The following CBFA2T2 variants were observed in gnomAD, a reference collection of about 807,000 sequenced individuals.
CBFA2T2 encodes protein CBFA2T2.
A neutral mutation model predicts 62.2 loss-of-function variants in CBFA2T2; 11 were observed. The ratio of observed to expected loss-of-function variants is 0.18; its 90% CI spans 0.11 to 0.29. The LOEUF (loss-of-function observed/expected upper bound fraction) is 0.29. Among genes scored for constraint, CBFA2T2 ranks in the 10% least tolerant of loss-of-function variants. The pLI is 1.00. For missense variants in CBFA2T2, 592 were observed against 774.1 expected (o/e 0.76, Z 2.79); for synonymous variants, 295 against 287.5 (o/e 1.03, Z -0.27).
intron 6 of CBFA2T2, among the ~76,000 whole-genome samples, chr20:33,625,219 G>A (rs927858153): frequency 3.3e-5 from 5 of 151,992 alleles, no homozygotes; most frequent in African/African-American, 9.7e-5. Flanking sequence ...TAGAAGTACA[G>A]CTAGGTGTGG....
chr20:33,540,952 G>A (rs1388909021), intron 1 of CBFA2T2, among the ~76,000 whole-genome samples: 1 of 152,174 alleles, frequency 6.6e-6, no homozygotes, highest in Non-Finnish European at 1.5e-5. Flanking sequence ...AGTTGTGCAA[G>A]TAGAAGGTAC....
chr20:33,640,859 C>T (rs1358452266), intron 10 of CBFA2T2, among the ~76,000 whole-genome samples: 1 of 152,030 alleles, frequency 6.6e-6, no homozygotes, highest in African/African-American at 2.4e-5. Context: ...CCAGCATTGA[C>T]GGAGTGGGCT....
At chr20:33,622,942 AT>A (rs1378983481) in intron 4 of CBFA2T2, among the ~76,000 whole-genome samples, 172 bp from the exon 5 acceptor site, 7 of 152,230 alleles carry the variant, frequency 4.6e-5, no homozygotes, top group African/African-American at 1.7e-4. Flanking sequence ...TGAACCAGTA[AT>A]TCAAGTGCAG....
chr20:33,496,039 A>G (rs1324990892), intron 1 of CBFA2T2, among the ~76,000 whole-genome samples: 17 of 152,332 alleles, frequency 1.1e-4, no homozygotes, highest in Admixed American at 1.1e-3. Flanking sequence ...ACAGGTAATG[A>G]TAAAGTGTTT....
chr20:33,617,456 G>A (rs182969384), intron 3 of CBFA2T2, among the ~76,000 whole-genome samples: 11 of 152,284 alleles, frequency 7.2e-5, no homozygotes, highest in Admixed American at 2.6e-4. Flanking sequence ...ATACAGGACT[G>A]CCCTATATCC....
chr20:33,519,194 G>T (rs2011662888), intron 1 of CBFA2T2, among the ~76,000 whole-genome samples: 1 of 152,292 alleles, frequency 6.6e-6, no homozygotes, highest in South Asian at 2.1e-4. Flanking sequence ...TTGTGGCTGG[G>T]CACCATGGTT....
chr20:33,557,255 C>T (rs564280994), intron 1 of CBFA2T2, among the ~76,000 whole-genome samples: 79 of 151,928 alleles, frequency 5.2e-4, no homozygotes, highest in Middle Eastern at 3.4e-3. Flanking sequence ...CCTTGTGATC[C>T]GCCTGCCTTG....
rs1367339933 is a variant in CBFA2T2, at chr20:33,648,610, A to G, written c.*3964A>G. On this transcript the variant is annotated 3_prime_UTR_variant, in exon 11 of 11. Coordinates refer to ENST00000342704, the MANE Select transcript of CBFA2T2 (RefSeq NM_001032999.3). Reference sequence around the variant, plus strand: ...GGTGCTCTAGCAGATCCGCTCAGGCACGGTTGGGTGACCGTGGGGTCACCG... The same window carrying G: ...GGTGCTCTAGCAGATCCGCTCAGGCGCGGTTGGGTGACCGTGGGGTCACCG... 1 of 152,218 alleles carries G rather than the reference A, an allele frequency of 6.6e-6. No individual in the cohort carries two copies. The highest frequency in any genetic ancestry group is 1.5e-5 in the Non-Finnish European group (1 of 68,078). The allele number at this position is 152,218 out of a possible 1,614,324, so 9.4% of individuals were successfully genotyped here. A position where few individuals can be genotyped will look rare whatever the true frequency, so the allele number is the denominator to read the frequency against.
At chr20:33,533,556 T>G (rs2012118251) in intron 1 of CBFA2T2, among the ~76,000 whole-genome samples, 1 of 152,196 alleles carries the variant, frequency 6.6e-6, no homozygotes, top group African/African-American at 2.4e-5. Flanking sequence ...TTTATTTGCC[T>G]GTGGATAGAT....
At chr20:33,636,587 A>G (rs1338992842) in intron 8 of CBFA2T2, 53 bp from the exon 9 acceptor site, 2 of 1,320,310 alleles carry the variant, frequency 1.5e-6, no homozygotes, top group Non-Finnish European at 2.2e-6. Flanking sequence ...CAAAAATAAA[A>G]CTGCTGATCA....
At chr20:33,530,038 C>T (rs1244814737) in intron 1 of CBFA2T2, among the ~76,000 whole-genome samples, 2 of 151,936 alleles carry the variant, frequency 1.3e-5, no homozygotes, top group East Asian at 1.9e-4. Flanking sequence ...CCACCTGCCT[C>T]GGCCTTCCAA....
chr20:33,636,649 G>T lies in CBFA2T2; in HGVS notation c.1238G>T (p.Arg413Ile). 1.2e-6 allele frequency: 2 copies of T among 1,613,384 alleles called. No homozygotes were observed. The highest frequency in any genetic ancestry group is 1.1e-5 in the South Asian group (1 of 91,016). Residue 413 changes from arginine (R) to isoleucine (I), a missense_variant, in exon 9 of 11, where the codon AGA becomes ATA. By Grantham distance (97) the Arg-to-Ile change is moderately conservative. Around this residue, in one of 3 missense-constraint regions of CBFA2T2, gnomAD observed 449 missense variants for 551.2 expected, o/e 0.81. Transcript: ENST00000342704. ...TATGTCTCTTCTGCAGATTCTCAGA[G>T]AGAGTTCAACAGCAGGCCAGGTACA... ...SADSLSNDSQ[R>I]EFNSRPGTGY...
intron 2 of CBFA2T2, among the ~76,000 whole-genome samples, chr20:33,609,838 G>A (rs1164190952): frequency 6.6e-6 from 1 of 152,174 alleles, no homozygotes; most frequent in African/African-American, 2.4e-5. Flanking sequence ...TAAATGATTG[G>A]CTCTTTAAAC....
At chr20:33,543,667 G>A (rs1336294994) in intron 1 of CBFA2T2, among the ~76,000 whole-genome samples, 1 of 152,086 alleles carries the variant, frequency 6.6e-6, no homozygotes, top group Non-Finnish European at 1.5e-5. Context: ...TGGAAAAAAC[G>A]GAAGCTCAGA....
chr20:33,525,137 C>CT (rs1216442461), intron 1 of CBFA2T2, among the ~76,000 whole-genome samples: 1 of 147,846 alleles, frequency 6.8e-6, no homozygotes, highest in Non-Finnish European at 1.5e-5. Flanking sequence ...CACCCGGCCG[C>CT]TTTTTTTGTA....
intron 1 of CBFA2T2, among the ~76,000 whole-genome samples, chr20:33,567,234 T>TTGTGTTTTGTTTAAAGCAAG (rs2013359206): frequency 6.6e-6 from 1 of 152,216 alleles, no homozygotes; most frequent in Admixed American, 6.5e-5. Context: ...AAGCAACTCT[T>TTGTGTTTTGTTTAAAGCAAG]TGTGTTTTGT....
chr20:33,625,387 T>A (rs2016184177), intron 6 of CBFA2T2, among the ~76,000 whole-genome samples: 1 of 152,082 alleles, frequency 6.6e-6, no homozygotes, highest in African/African-American at 2.4e-5. Context: ...CTAGGGAGGC[T>A]GAGGAGGGAG....
At chr20:33,631,445 A>G (rs1310094522) in intron 8 of CBFA2T2, among the ~76,000 whole-genome samples, 3 of 152,248 alleles carry the variant, frequency 2.0e-5, no homozygotes, top group Non-Finnish European at 4.4e-5. Context: ...GCTAAAGTTT[A>G]CACCCAAGCC....
chr20:33,633,498 G>A (rs1304161309), intron 8 of CBFA2T2, among the ~76,000 whole-genome samples: 1 of 152,186 alleles, frequency 6.6e-6, no homozygotes. Context: ...GCTTTAGATG[G>A]CATTATTACT....
Sources: gnomAD v4.1 joint callset for allele counts (sites outside exome capture counted in the v4.1 genomes callset) on GRCh38, gnomAD v4.1.1 for gene constraint, gnomAD v4.1.1 regional missense constraint, MANE v1.5 for transcripts, NCBI Gene and HGNC (gene_info 2026-07-23, HGNC 2026-07-21) for gene names.